Variants in UGT2A1 observed in about 807,000 individuals in gnomAD.
UGT2A1 encodes UDP glucuronosyltransferase family 2 member A1 complex locus, also known as UDP-glucuronosyltransferase 2A1.
A neutral mutation model predicts 45.4 loss-of-function variants in UGT2A1; 61 were observed. The observed-to-expected ratio is 1.34, with a 90% CI of 1.09 to 1.66. The LOEUF (loss-of-function observed/expected upper bound fraction) is 1.66, where lower values mean the gene tolerates loss of function less well. UGT2A1 is among the 40% of genes most tolerant of loss of function. The probability of loss-of-function intolerance (pLI) is 0.00; values close to 1 mark genes in which losing one functional copy is unlikely to be tolerated. For synonymous variants in UGT2A1, 229 were observed against 196.2 expected (o/e 1.17, Z -1.40); for missense variants, 649 against 574.3 (o/e 1.13, Z -1.33).
In UGT2A1 at chr4:69,589,480, A is replaced by G. The variant is rs1042530634; in HGVS notation, c.1476T>C (p.Ile492=). 15 of 1,613,992 alleles carry G rather than the reference A, an allele frequency of 9.3e-6. No homozygotes were observed. The change falls in exon 7 of 7, where the codon ATT becomes ATC. Residue 492 remains isoleucine (I), a synonymous_variant. Coordinates refer to ENST00000286604, the MANE Select transcript of UGT2A1 (RefSeq NM_001252275.3). ...TTGTCACACAGACCAGCAAGAACCC[A>G]ATTACATCCAAAGAGTGGTACTGGA... The part of the protein sequence containing the change: ...TWFQYHSLDV[I]GFLLVCVTTA...
intron 3 of UGT2A1, among the ~76,000 whole-genome samples, chr4:69,612,496 C>T (rs1233155097): frequency 6.6e-6 from 1 of 151,702 alleles, no homozygotes; most frequent in South Asian, 2.1e-4. Flanking sequence ...TATAAGACTA[C>T]AGTAATTTAA....
chr4:69,605,499 A>C, intron 3 of UGT2A1, among the ~76,000 whole-genome samples: 1 of 136,698 alleles, frequency 7.3e-6, no homozygotes, highest in Admixed American at 7.2e-5. Flanking sequence ...CCCCAACATC[A>C]CAATTGAAAG....
At chr4:69,607,079 A>T (rs1358215687) in intron 3 of UGT2A1, among the ~76,000 whole-genome samples, 2 of 97,956 alleles carry the variant, frequency 2.0e-5, no homozygotes, top group Non-Finnish European at 4.2e-5. Context: ...TTTAAAGTTC[A>T]TATGGAACCA....
chr4:69,652,560 C>T (rs191587534), intron 1 of UGT2A1, among the ~76,000 whole-genome samples: 73 of 151,828 alleles, frequency 4.8e-4, no homozygotes, highest in East Asian at 7.7e-4. Flanking sequence ...GGTGAGCCAC[C>T]GCGCCTGGCC....
intron 4 of UGT2A1, 128 bp from the exon 5 acceptor site, chr4:69,595,377 A>G: frequency 1.9e-6 from 2 of 1,060,932 alleles, no homozygotes; most frequent in Non-Finnish European, 1.4e-6. Context: ...GTAGTTTACA[A>G]ACGTTGAGAT....
intron 3 of UGT2A1, among the ~76,000 whole-genome samples, chr4:69,608,867 G>A (rs1378000553): frequency 6.6e-6 from 1 of 151,662 alleles, no homozygotes; most frequent in East Asian, 2.0e-4. Context: ...AGTAATTTTT[G>A]TAAAAAATAA....
intron 3 of UGT2A1, among the ~76,000 whole-genome samples, chr4:69,612,678 G>T (rs1425546760): frequency 2.0e-5 from 3 of 151,990 alleles, no homozygotes; most frequent in Admixed American, 1.3e-4. Context: ...CTAGCCATAT[G>T]CAGAAGAAAG....
At chr4:69,596,125 A>G in intron 4 of UGT2A1, 3 of 1,283,434 alleles carry the variant, frequency 2.3e-6, no homozygotes, top group Non-Finnish European at 1.0e-6. Flanking sequence ...AACGTTACTT[A>G]CAACTGTTAC....
In UGT2A1 at chr4:69,647,555, A is replaced by G. The variant is rs1560498580; in HGVS notation, c.90T>C (p.Gly30=). 6.2e-7 allele frequency: 1 copy of G among 1,612,452 alleles called. No individual in the cohort carries two copies. Among genetic ancestry groups the G allele is most frequent in the Admixed American group, 1.7e-5 (1 of 59,784 alleles). ...TTATCTTAACATTTAGCCAATGACT[A>G]CCTTCCATTGGCCAAATCAAAACAT... The part of the protein sequence containing the change: ...GGNVLIWPME[G]SHWLNVKIII... Residue 30 remains glycine, a synonymous_variant, in exon 2 of 7, where the codon GGT becomes GGC. Coordinates refer to ENST00000286604, the MANE Select transcript of UGT2A1 (RefSeq NM_001252275.3).
chr4:69,608,247 A>G (rs952128795), intron 3 of UGT2A1, among the ~76,000 whole-genome samples: 7 of 152,182 alleles, frequency 4.6e-5, no homozygotes, highest in African/African-American at 1.4e-4. Context: ...GCCATAAAAA[A>G]TGATGAGTTC....
chr4:69,603,614 G>A (rs11725441), intron 3 of UGT2A1: 25,038 of 135,270 alleles, frequency 0.19, 6,093 homozygotes, highest in Non-Finnish European at 0.22. Flanking sequence ...CGATCAAACT[G>A]CTCCGAGCTA....
chr4:69,646,347 C>T (rs573461574), intron 2 of UGT2A1, among the ~76,000 whole-genome samples: 234 of 151,880 alleles, frequency 1.5e-3, no homozygotes, highest in African/African-American at 5.4e-3. Flanking sequence ...TTGTATTCAT[C>T]AGGTAAACAC....
intron 3 of UGT2A1, among the ~76,000 whole-genome samples, chr4:69,615,246 T>A (rs1720308959): frequency 6.6e-6 from 1 of 151,996 alleles, no homozygotes; most frequent in African/African-American, 2.4e-5. Flanking sequence ...TTTCTAATCT[T>A]TAAGTTAAAT....
intron 2 of UGT2A1, chr4:69,638,819 G>C: frequency 1.4e-6 from 2 of 1,436,100 alleles, no homozygotes; most frequent in Non-Finnish European, 1.8e-6. Flanking sequence ...ATATGCAGTG[G>C]AATGGAAATC....
chr4:69,636,566 G>A lies in UGT2A1; in HGVS notation c.716-744C>T, dbSNP rs193105073. ...AAAGGTGAGAAGTTGAGAACTTGCT[G>A]TTTTACAAAGCCTTTTTCACACTTA... On this transcript the variant is annotated intron_variant, in intron 2 of 6. Transcript: ENST00000286604. 8.6e-4 allele frequency among the ~76,000 whole-genome samples: 131 copies of A among 152,154 alleles called. 1 individual carries two copies. The highest frequency in any genetic ancestry group is 2.9e-3 in the African/African-American group (119 of 41,538).
chr4:69,625,282 T>C (rs1720987235), intron 3 of UGT2A1, among the ~76,000 whole-genome samples: 1 of 151,032 alleles, frequency 6.6e-6, no homozygotes, highest in African/African-American at 2.4e-5. Flanking sequence ...TATTTTTCTT[T>C]TTACTTGGTT....
intron 2 of UGT2A1, among the ~76,000 whole-genome samples, chr4:69,637,902 AGAAG>A (rs1721804450): frequency 6.6e-6 from 1 of 150,810 alleles, no homozygotes; most frequent in Non-Finnish European, 1.5e-5. Flanking sequence ...AAGGAAGGCA[AGAAG>A]GAAGGCAGGC....
intron 3 of UGT2A1, among the ~76,000 whole-genome samples, chr4:69,614,598 C>T (rs1034137017): frequency 1.3e-5 from 2 of 151,954 alleles, no homozygotes; most frequent in African/African-American, 4.8e-5. Context: ...GCCATAACAG[C>T]ATGGCACTAT....
chr4:69,600,330 G>C (rs1014177536), intron 3 of UGT2A1, among the ~76,000 whole-genome samples: 1 of 152,214 alleles, frequency 6.6e-6, no homozygotes, highest in Non-Finnish European at 1.5e-5. Flanking sequence ...ACAGAGAAAA[G>C]TCACTCCTAA....
Sources: allele counts gnomAD v4.1 joint callset (sites outside exome capture counted in the v4.1 genomes callset), GRCh38; gene constraint gnomAD v4.1.1; transcripts MANE v1.5; gene names NCBI Gene and HGNC (gene_info 2026-07-23, HGNC 2026-07-21).